The following HCN1 variants were observed in gnomAD, a reference collection of about 807,000 sequenced individuals.
HCN1 encodes the protein potassium/sodium hyperpolarization-activated cyclic nucleotide-gated channel 1.
HCN1 carries 13 observed loss-of-function variants against 78.9 expected under a neutral mutation model. The observed-to-expected ratio is 0.16, with a 90% CI of 0.11 to 0.26. The LOEUF is 0.26. Ranked by LOEUF, HCN1 falls within the 10% of genes least tolerant of loss-of-function variation. HCN1 has a pLI of 1.00. For synonymous variants in HCN1, 552 were observed against 455.5 expected (o/e 1.21, Z -2.70); for missense variants, 810 against 1,154.3 (o/e 0.70, Z 4.32).
At chr5:45,548,292 G>A (rs1369820830) in intron 2 of HCN1, among the ~76,000 whole-genome samples, 1 of 151,244 alleles carries the variant, frequency 6.6e-6, no homozygotes, top group Non-Finnish European at 1.5e-5. Context: ...TATAGAGTAA[G>A]AATTCAATGA....
At chr5:45,599,069 T>C (rs1312252638) in intron 2 of HCN1, among the ~76,000 whole-genome samples, 1 of 152,170 alleles carries the variant, frequency 6.6e-6, no homozygotes, top group Admixed American at 6.5e-5. Flanking sequence ...ATTGGGTACA[T>C]ACCCAAAGGA....
chr5:45,550,397 CAAGA>C (rs1378579042), intron 2 of HCN1, among the ~76,000 whole-genome samples: 2 of 151,970 alleles, frequency 1.3e-5, no homozygotes, highest in African/African-American at 4.8e-5. Context: ...ATCGCAAGGA[CAAGA>C]AACCAAACAC....
intron 1 of HCN1, among the ~76,000 whole-genome samples, chr5:45,685,270 T>C (rs1739781369): frequency 6.6e-6 from 1 of 152,158 alleles, no homozygotes; most frequent in East Asian, 1.9e-4. Flanking sequence ...CATTTTCTGA[T>C]GAAAAGAAAG....
intron 5 of HCN1, among the ~76,000 whole-genome samples, chr5:45,311,504 CATA>C (rs1745851235): frequency 6.6e-6 from 1 of 151,996 alleles, no homozygotes; most frequent in Admixed American, 6.6e-5. Context: ...TAAAATAAGT[CATA>C]AGAAATATTT....
At chr5:45,524,035 G>T (rs1742673688) in intron 2 of HCN1, among the ~76,000 whole-genome samples, 1 of 152,134 alleles carries the variant, frequency 6.6e-6, no homozygotes, top group Non-Finnish European at 1.5e-5. Flanking sequence ...ATTAATTTTT[G>T]TATAAGGTGT....
intron 2 of HCN1, among the ~76,000 whole-genome samples, chr5:45,498,534 C>A (rs1742104550): frequency 6.6e-6 from 1 of 152,150 alleles, no homozygotes; most frequent in Admixed American, 6.5e-5. Flanking sequence ...GTTTGAATCT[C>A]CTCCCATTGC....
chr5:45,323,312 T>C (rs1015207822), intron 5 of HCN1, among the ~76,000 whole-genome samples: 1 of 151,934 alleles, frequency 6.6e-6, no homozygotes, highest in Non-Finnish European at 1.5e-5. Flanking sequence ...ATTTTGGATA[T>C]ATTTAGTTAA....
At chr5:45,516,601 A>G (rs1742520976) in intron 2 of HCN1, among the ~76,000 whole-genome samples, 1 of 151,948 alleles carries the variant, frequency 6.6e-6, no homozygotes, top group African/African-American at 2.4e-5. Context: ...TCTATTGGAA[A>G]TTATTTTCCT....
chr5:45,454,988 C>G (rs1425354871), intron 3 of HCN1, among the ~76,000 whole-genome samples: 2 of 152,020 alleles, frequency 1.3e-5, no homozygotes, highest in African/African-American at 4.8e-5. Flanking sequence ...TGATTCCCCA[C>G]TCTATTGAAG....
chr5:45,460,815 A>G (rs1349276233), intron 3 of HCN1, among the ~76,000 whole-genome samples: 1 of 151,938 alleles, frequency 6.6e-6, no homozygotes, highest in Non-Finnish European at 1.5e-5. Flanking sequence ...TTTCAAATAG[A>G]AAACCTATGC....
At chr5:45,534,225 C>T (rs1013322987) in intron 2 of HCN1, among the ~76,000 whole-genome samples, 4 of 150,788 alleles carry the variant, frequency 2.7e-5, no homozygotes, top group South Asian at 4.2e-4. Flanking sequence ...GTGAAACACC[C>T]GTCTCTACAA....
chr5:45,582,658 T>C (rs1744106379), intron 2 of HCN1, among the ~76,000 whole-genome samples: 1 of 152,206 alleles, frequency 6.6e-6, no homozygotes, highest in Non-Finnish European at 1.5e-5. Flanking sequence ...GCTGTGGGTT[T>C]GTCATAGATA....
intron 1 of HCN1, among the ~76,000 whole-genome samples, chr5:45,679,515 G>A (rs1739661393): frequency 6.6e-6 from 1 of 151,844 alleles, no homozygotes. Context: ...CTTATTTTGG[G>A]TATTTAAAAC....
chr5:45,557,721 A>G (rs569294401), intron 2 of HCN1, among the ~76,000 whole-genome samples: 20 of 152,036 alleles, frequency 1.3e-4, no homozygotes, highest in African/African-American at 1.9e-4. Context: ...GTGATCAGTG[A>G]TCTTTGATGT....
intron 6 of HCN1, among the ~76,000 whole-genome samples, chr5:45,275,248 A>G (rs1358987065): frequency 7.7e-6 from 1 of 130,672 alleles, no homozygotes; most frequent in Admixed American, 7.2e-5. Context: ...TCTGTCTCAG[A>G]AAAAAAAAAA....
At chr5:45,550,133 C>A (rs1561197743) in intron 2 of HCN1, among the ~76,000 whole-genome samples, 1 of 152,028 alleles carries the variant, frequency 6.6e-6, no homozygotes, top group Admixed American at 6.6e-5. Flanking sequence ...TTTGACCCAG[C>A]CATCCCATTA....
At chr5:45,548,528 A>G (rs1267919239) in intron 2 of HCN1, among the ~76,000 whole-genome samples, 1 of 152,114 alleles carries the variant, frequency 6.6e-6, no homozygotes, top group African/African-American at 2.4e-5. Flanking sequence ...ACAAACCCAC[A>G]GCCAATATCA....
At chr5:45,490,699 A>T (rs915641510) in intron 2 of HCN1, among the ~76,000 whole-genome samples, 1 of 152,140 alleles carries the variant, frequency 6.6e-6, no homozygotes, top group Non-Finnish European at 1.5e-5. Context: ...GTATCAAAAC[A>T]TCTCATGTGC....
chr5:45,257,670 A>C lies in HCN1; in HGVS notation c.*4251T>G, dbSNP rs1035472348. 3 of 152,176 alleles carry C rather than the reference A, an allele frequency of 2.0e-5. No individual in the cohort carries two copies. Among genetic ancestry groups the C allele is most frequent in the African/African-American group, 7.2e-5 (3 of 41,440 alleles). The allele number at this position is 152,176 out of a possible 1,614,324, so 9.4% of individuals were successfully genotyped here. A position where few individuals can be genotyped will look rare whatever the true frequency, so the allele number is the denominator to read the frequency against. ...AGTGCAGGGTTGTTAAAAAGGAAAA[A>C]AATTGAAATTGCTTAAGAAAGTCAT... On this transcript the variant is annotated 3_prime_UTR_variant, in exon 8 of 8. Coordinates refer to ENST00000303230, the MANE Select transcript of HCN1 (RefSeq NM_021072.4).
Sources: gnomAD v4.1 joint callset for allele counts (sites outside exome capture counted in the v4.1 genomes callset) on GRCh38, gnomAD v4.1.1 for gene constraint, MANE v1.5 for transcripts, NCBI Gene and HGNC (gene_info 2026-07-23, HGNC 2026-07-21) for gene names.